CFAP161: variants seen among roughly 807,000 people sequenced by gnomAD.
CFAP161 encodes the protein cilia and flagella associated protein 161.
Under a neutral mutation model 29.0 loss-of-function variants are expected in CFAP161, and 25 were observed. The ratio of observed to expected loss-of-function variants is 0.86; its 90% confidence interval spans 0.63 to 1.20. The LOEUF (loss-of-function observed/expected upper bound fraction) is 1.20. Among genes scored for constraint, CFAP161 ranks in the 50% most tolerant of loss-of-function variants. CFAP161 has a pLI of 0.00. For missense variants in CFAP161, 367 were observed against 371.9 expected, an observed-to-expected ratio of 0.99 and a Z score of 0.11; for synonymous variants, 116 against 137.4, an observed-to-expected ratio of 0.84 and a Z score of 1.09.
chr15:81,148,608 G>A lies in CFAP161; in HGVS notation c.*75G>A. On this transcript the variant is annotated 3_prime_UTR_variant, in exon 7 of 7. Transcript: ENST00000286732. The stretch of plus-strand genomic sequence containing the variant: ...GCTTTAAAAGAAATTAACAACCTTG[G>A]TCATGCCTCAAGCTATTTTTGAATC... 3 of 1,419,932 alleles carry A rather than the reference G, an allele frequency of 2.1e-6. No individual in the cohort carries two copies. Among genetic ancestry groups the A allele is most frequent in the Non-Finnish European group, 1.9e-6 (2 of 1,044,572 alleles). 88.0% of individuals were successfully genotyped at this position (1,419,932 alleles called of 1,614,324 possible).
rs148793689 is a variant in CFAP161, at chr15:81,102,513, A to T, written c.-141-25077A>T. ...CAAGACTTCTGTCTCTACAAAAAAA[A>T]AAATAAAAAATTAGTTGACGTGGTG... On this transcript the variant is annotated intron_variant, in intron 1 of 4. Coordinates refer to the CFAP161 transcript ENST00000560091. 2.0e-3 allele frequency among the ~76,000 whole-genome samples: 305 copies of T among 152,314 alleles called. 1 individual carries two copies. The highest frequency in any genetic ancestry group is 6.5e-3 in the African/African-American group (271 of 41,572).
chr15:81,130,463 G>A (rs971224124), upstream of CFAP161, among the ~76,000 whole-genome samples: 25 of 152,182 alleles, frequency 1.6e-4, no homozygotes, highest in Non-Finnish European at 3.4e-4. Context: ...CACTTTGGGA[G>A]GCCGAGGCAG....
At chr15:81,148,234 T>C in intron 6 of CFAP161, 104 bp from the exon 7 acceptor site, 1 of 1,171,176 alleles carries the variant, frequency 8.5e-7, no homozygotes. Context: ...GGGCTTTATC[T>C]AGCAATCCGC....
chr15:81,130,576 T>G (rs902006178), upstream of CFAP161, among the ~76,000 whole-genome samples: 1 of 152,212 alleles, frequency 6.6e-6, no homozygotes, highest in African/African-American at 2.4e-5. Context: ...GGCATGCGCC[T>G]GTAGTCTCAG....
chr15:81,114,397 A>G (rs968741770), intron 1 of CFAP161, among the ~76,000 whole-genome samples: 1 of 152,188 alleles, frequency 6.6e-6, no homozygotes, highest in Non-Finnish European at 1.5e-5. Context: ...AATCTTTATG[A>G]TAGTGGAGGA....
intron 1 of CFAP161, among the ~76,000 whole-genome samples, chr15:81,104,865 G>T (rs1399294290): frequency 6.6e-6 from 1 of 152,022 alleles, no homozygotes; most frequent in Admixed American, 6.6e-5. Context: ...GTTTTCTAGG[G>T]CTGCTGTAAG....
At chr15:81,101,554 A>ATGG (rs1349414887) in intron 1 of CFAP161, among the ~76,000 whole-genome samples, 1 of 137,830 alleles carries the variant, frequency 7.3e-6, no homozygotes, top group East Asian at 2.1e-4. Context: ...AAAAAAAAAG[A>ATGG]TGGTGGTGGT....
At position 81,143,652 on chromosome 15, in the gene CFAP161, T is replaced by G; in HGVS notation, c.478-10T>G. 1.9e-6 allele frequency: 3 copies of G among 1,607,040 alleles called. No homozygotes were observed. The highest frequency in any genetic ancestry group is 2.6e-6 in the Non-Finnish European group (3 of 1,174,866). ...TCTGACTTAGTGCATCTGCTTGCTG[T>G]CATTTTCAGTTGTATTTGTCAAGTG... On this transcript the variant is annotated splice_polypyrimidine_tract_variant and intron_variant, in intron 4 of 6. Coordinates refer to ENST00000286732, the MANE Select transcript of CFAP161 (RefSeq NM_173528.4).
At chr15:81,117,879 T>C in intron 1 of CFAP161, 1 of 381,246 alleles carries the variant, frequency 2.6e-6, no homozygotes, top group Non-Finnish European at 5.0e-6. Context: ...CTTCTCCTTC[T>C]TCATCCTCCT....
intron 4 of CFAP161, among the ~76,000 whole-genome samples, chr15:81,139,032 C>T (rs772470348): frequency 2.6e-5 from 4 of 152,064 alleles, no homozygotes; most frequent in East Asian, 1.9e-4. Context: ...CTGGGTGCAG[C>T]GGCTCATGCC....
chr15:81,133,436 T>G (rs947775705), upstream of CFAP161, among the ~76,000 whole-genome samples: 1 of 151,982 alleles, frequency 6.6e-6, no homozygotes, highest in Admixed American at 6.6e-5. Context: ...TCTTTTAGAC[T>G]GGGTTTGCTG....
intron 1 of CFAP161, chr15:81,118,020 A>C: frequency 4.0e-6 from 2 of 498,824 alleles, no homozygotes; most frequent in Non-Finnish European, 7.4e-6. Context: ...TCAGGTTAAT[A>C]ACCTCACAGT....
intron 5 of CFAP161, among the ~76,000 whole-genome samples, chr15:81,147,212 C>G (rs2141887534): frequency 6.6e-6 from 1 of 152,166 alleles, no homozygotes; most frequent in East Asian, 1.9e-4. Flanking sequence ...ACTGAAAACT[C>G]AAAAGAACGC....
chr15:81,146,831 A>AATATAT (rs3086710), intron 5 of CFAP161, among the ~76,000 whole-genome samples: 746 of 70,142 alleles, frequency 0.011, 22 homozygotes, highest in Non-Finnish European at 0.018. Flanking sequence ...GATAGCTACA[A>AATATAT]ATATATATAT....
intron 2 of CFAP161, chr15:81,127,775 T>C (rs1894659256): frequency 6.6e-6 from 1 of 152,154 alleles, no homozygotes; most frequent in Non-Finnish European, 1.5e-5. Flanking sequence ...CCAAGACTGA[T>C]CTTTTTCAGA....
intron 1 of CFAP161, among the ~76,000 whole-genome samples, chr15:81,100,363 T>C (rs1023834904): frequency 1.3e-5 from 2 of 151,890 alleles, no homozygotes; most frequent in Admixed American, 6.6e-5. Context: ...AACTGCATAG[T>C]ATTTTTATGG....
rs1209923000 is a variant in CFAP161, at chr15:81,149,157, A to C, written c.*624A>C. ...ATGTGATTAGATAGTTCCTGACAAAATAAATGTATGTCCTTCCATGTATTT... is the reference window on the plus strand; with the variant it reads ...ATGTGATTAGATAGTTCCTGACAAACTAAATGTATGTCCTTCCATGTATTT... On this transcript the variant is annotated 3_prime_UTR_variant, in exon 7 of 7. Coordinates refer to ENST00000286732, the MANE Select transcript of CFAP161 (RefSeq NM_173528.4). 2.0e-5 allele frequency: 3 copies of C among 152,278 alleles called. No homozygotes were observed. Among genetic ancestry groups the C allele is most frequent in the African/African-American group, 7.2e-5 (3 of 41,472 alleles). The allele number at this position is 152,278 out of a possible 1,614,324, so 9.4% of individuals were successfully genotyped here. A position where few individuals can be genotyped will look rare whatever the true frequency, so the allele number is the denominator to read the frequency against.
At chr15:81,141,263 A>G (rs1894903291) in intron 4 of CFAP161, among the ~76,000 whole-genome samples, 1 of 152,186 alleles carries the variant, frequency 6.6e-6, no homozygotes, top group Non-Finnish European at 1.5e-5. Flanking sequence ...TGATTTTGTT[A>G]AGGGTTTTTC....
intron 1 of CFAP161, chr15:81,118,037 G>A (rs780684999): frequency 1.2e-5 from 6 of 506,108 alleles, no homozygotes; most frequent in Non-Finnish European, 1.5e-5. Flanking sequence ...CAGTTAAAGA[G>A]GTCCAGGCTT....
Sources: gnomAD v4.1 joint callset for allele counts (sites outside exome capture counted in the v4.1 genomes callset) on GRCh38, gnomAD v4.1.1 for gene constraint, MANE v1.5 for transcripts, NCBI Gene and HGNC (gene_info 2026-07-23, HGNC 2026-07-21) for gene names.